WDR59: variants seen among roughly 807,000 people sequenced by gnomAD.
WDR59 encodes WD repeat domain 59.
A neutral mutation model predicts 131.2 loss-of-function variants in WDR59; 100 were observed. The observed-to-expected ratio is 0.76, with a 90% CI of 0.65 to 0.90. The LOEUF is 0.90. Ranked by LOEUF, WDR59 falls within the 40% of genes least tolerant of loss-of-function variation. The pLI, the probability that WDR59 is intolerant of heterozygous loss-of-function variation, is 0.00. For missense variants in WDR59, 1,203 were observed against 1,262.2 expected (o/e 0.95, Z 0.71); for synonymous variants, 601 against 466.2 (o/e 1.29, Z -3.72).
chr16:74,919,935 G>A (rs1335738910), intron 10 of WDR59, among the ~76,000 whole-genome samples: 3 of 152,126 alleles, frequency 2.0e-5, no homozygotes, highest in African/African-American at 7.2e-5. Context: ...AGCTGGCATG[G>A]TGGCACACTC....
intron 6 of WDR59, among the ~76,000 whole-genome samples, chr16:74,945,138 C>A (rs577101941): frequency 6.6e-6 from 1 of 151,504 alleles, no homozygotes; most frequent in African/African-American, 2.4e-5. Flanking sequence ...AAAAAAAGAA[C>A]CACCGTCCTT....
chr16:74,984,709 C>A, intron 1 of WDR59: 1 of 557,852 alleles, frequency 1.8e-6, no homozygotes, highest in Non-Finnish European at 3.2e-6. Context: ...CAGTCTCTGC[C>A]TCAGTGTCAC....
intron 7 of WDR59, among the ~76,000 whole-genome samples, chr16:74,941,830 T>G (rs180785755): frequency 6.6e-6 from 1 of 152,204 alleles, no homozygotes; most frequent in East Asian, 1.9e-4. Flanking sequence ...GCAGACAGGA[T>G]CTGCCACGCC....
chr16:74,957,103 CAG>C (rs1310926403), intron 2 of WDR59, among the ~76,000 whole-genome samples: 7 of 128,060 alleles, frequency 5.5e-5, no homozygotes, highest in South Asian at 5.0e-4. Flanking sequence ...TTTTTTGAGA[CAG>C]AGTCTCGCTC....
intron 21 of WDR59, 90 bp from the exon 22 acceptor site, chr16:74,888,409 G>T: frequency 1.5e-6 from 2 of 1,343,560 alleles, no homozygotes; most frequent in Non-Finnish European, 2.0e-6. Context: ...CTGCCACAGG[G>T]GTGGGAAGGG....
intron 25 of WDR59, among the ~76,000 whole-genome samples, chr16:74,874,775 G>C (rs1964126197): frequency 1.3e-5 from 2 of 152,130 alleles, no homozygotes; most frequent in African/African-American, 4.8e-5. Context: ...ATTTTTAGTA[G>C]AGACGGGGTT....
rs11149775 is a variant in WDR59 at position 74,872,088 on chromosome 16, A to G, written c.*2121T>C. The G allele has an allele frequency of 0.72, 110,235 of 152,236 alleles. 42,343 individuals are homozygous for G. The highest frequency in any genetic ancestry group is 0.85 in the East Asian group (4,435 of 5,188). 9.4% of individuals were successfully genotyped at this position (152,236 alleles called of 1,614,324 possible). On this transcript the variant is annotated 3_prime_UTR_variant, in exon 26 of 26. Coordinates refer to ENST00000262144, the MANE Select transcript of WDR59 (RefSeq NM_030581.4). ...ACACCTGTGCACACATGTGCTGCAC[A>G]CACGTAAACAAGTTACACAAAACAT... is the stretch of plus-strand genomic sequence containing the variant.
chr16:74,903,401 T>A (rs906640383), intron 18 of WDR59, among the ~76,000 whole-genome samples: 1 of 152,180 alleles, frequency 6.6e-6, no homozygotes, highest in African/African-American at 2.4e-5. Flanking sequence ...GACAATGAGT[T>A]ATTTAAGAAA....
At chr16:74,982,865 C>G (rs573212080) in intron 1 of WDR59, among the ~76,000 whole-genome samples, 2 of 152,270 alleles carry the variant, frequency 1.3e-5, no homozygotes, top group East Asian at 3.9e-4. Context: ...CGGCAAAAGA[C>G]AGGATGGGGT....
At chr16:74,957,391 T>C (rs1163580142) in intron 2 of WDR59, among the ~76,000 whole-genome samples, 2 of 152,126 alleles carry the variant, frequency 1.3e-5, no homozygotes, top group African/African-American at 2.4e-5. Context: ...GTCTTGAATA[T>C]CTCTGTATGC....
chr16:74,911,980 C>G lies in WDR59; in HGVS notation c.1389+218G>C, dbSNP rs1213030117. On this transcript the variant is annotated intron_variant, in intron 14 of 25. Coordinates refer to ENST00000262144, the MANE Select transcript of WDR59 (RefSeq NM_030581.4). Reference sequence around the variant, plus strand: ...AGGGTCCATAATTTTCATTAGAATTCAAAGGAAGTCTATGACCCAAAAAAG... The same window carrying G: ...AGGGTCCATAATTTTCATTAGAATTGAAAGGAAGTCTATGACCCAAAAAAG... 8 of 575,440 alleles carry G rather than the reference C, an allele frequency of 1.4e-5. No individual in the cohort carries two copies. In the African/African-American group the frequency reaches 1.5e-4, roughly 11 times the overall value. The allele number at this position is 575,440 out of a possible 1,614,324, so 35.6% of individuals were successfully genotyped here.
chr16:74,967,098 G>A (rs1166931014), intron 1 of WDR59, among the ~76,000 whole-genome samples: 1 of 152,112 alleles, frequency 6.6e-6, no homozygotes, highest in Non-Finnish European at 1.5e-5. Flanking sequence ...ATCACAAATG[G>A]TAAGCACCTT....
chr16:74,980,843 C>T (rs2034374735), intron 1 of WDR59, among the ~76,000 whole-genome samples: 1 of 151,524 alleles, frequency 6.6e-6, no homozygotes, highest in African/African-American at 2.4e-5. Context: ...TGGTGGGGCA[C>T]GCCTGTAATC....
chr16:74,924,040 T>G (rs370874562), intron 8 of WDR59, 37 bp from the exon 9 acceptor site: 1 of 1,599,864 alleles, frequency 6.3e-7, no homozygotes, highest in South Asian at 1.1e-5. Context: ...GTGAAATAAA[T>G]GCCATTAAAA....
intron 18 of WDR59, among the ~76,000 whole-genome samples, chr16:74,902,574 T>C (rs1052666704): frequency 5.3e-5 from 8 of 151,954 alleles, no homozygotes; most frequent in Non-Finnish European, 1.0e-4. Context: ...TTCTGCCCAA[T>C]CTGAACCCAA....
In WDR59 at chr16:74,984,964, C is replaced by G. The variant is rs1421108546; in HGVS notation, c.54G>C (p.Gln18His). 1 of 1,604,170 alleles carries G rather than the reference C, an allele frequency of 6.2e-7. No individual in the cohort carries two copies. Among genetic ancestry groups the G allele is most frequent in the Admixed American group, 1.7e-5 (1 of 58,678 alleles). ...ENVVVEFRDS[Q>H]ATAMSVDCLG... is the part of the protein sequence containing the mutation. ...GGGCTCCACTCGGCCTCTAGCTCAC[C>G]TGGGAGTCACGGAACTCTACAACCA... The change falls in exon 1 of 26, where the codon CAG (glutamine) becomes CAC (histidine). Residue 18 changes from glutamine (Q) to histidine (H), a missense_variant and splice_region_variant. By Grantham distance (24) the Gln-to-His change is conservative (BLOSUM62 0). Transcript: ENST00000262144.
At chr16:74,966,392 A>G (rs1279658235) in intron 1 of WDR59, among the ~76,000 whole-genome samples, 1 of 152,152 alleles carries the variant, frequency 6.6e-6, no homozygotes, top group African/African-American at 2.4e-5. Context: ...AGGCAGGAGA[A>G]TCGCTTGAAC....
intron 20 of WDR59, among the ~76,000 whole-genome samples, chr16:74,890,975 A>AAGG (rs1965014327): frequency 6.6e-6 from 1 of 152,002 alleles, no homozygotes; most frequent in South Asian, 2.1e-4. Context: ...TTAGCTGGGC[A>AAGG]TGGTGGCACA....
chr16:74,943,227 T>C (rs1345912963), intron 6 of WDR59, among the ~76,000 whole-genome samples: 1 of 143,694 alleles, frequency 7.0e-6, no homozygotes, highest in Non-Finnish European at 1.5e-5. Flanking sequence ...GCCTCAGCTG[T>C]TATGCCTGCC....
Sources: gnomAD v4.1 joint callset for allele counts (sites outside exome capture counted in the v4.1 genomes callset) on GRCh38, gnomAD v4.1.1 for gene constraint, MANE v1.5 for transcripts, NCBI Gene and HGNC (gene_info 2026-07-23, HGNC 2026-07-21) for gene names.